Variants in CDH18 observed in about 807,000 individuals in gnomAD.
CDH18 encodes the protein cadherin 18, also known as cadherin-18.
In CDH18, 31 loss-of-function variants were observed where a neutral mutation model predicts 67.9. That is an observed-to-expected ratio of 0.46 (90% confidence interval 0.34 to 0.62). The LOEUF (loss-of-function observed/expected upper bound fraction) is 0.62. CDH18 is among the 20% of genes least tolerant of loss of function. The probability of loss-of-function intolerance (pLI) is 0.01; values close to 1 mark genes in which losing one functional copy is unlikely to be tolerated. For missense variants in CDH18, 890 were observed against 975.5 expected (o/e 0.91, Z 1.17); for synonymous variants, 362 against 347.2 (o/e 1.04, Z -0.48).
chr5:20,242,605 A>T (rs1475387030), intron 2 of CDH18, among the ~76,000 whole-genome samples: 53,347 of 84,780 alleles, frequency 0.63, 17,691 homozygotes, highest in African/African-American at 0.8. Flanking sequence ...GGAAAAAAAA[A>T]AAAAAAATAT....
intron 1 of CDH18, among the ~76,000 whole-genome samples, chr5:20,313,520 C>A (rs1393308325): frequency 6.6e-6 from 1 of 151,996 alleles, no homozygotes; most frequent in Non-Finnish European, 1.5e-5. Flanking sequence ...CTGACTTTAA[C>A]ATAAAATTAT....
At position 20,563,189 on chromosome 5, in the gene CDH18, A is replaced by G. The variant is rs117312969; in HGVS notation, c.-580+12273T>C. 1.6e-3 allele frequency among the ~76,000 whole-genome samples: 241 copies of G among 152,142 alleles called. 4 individuals carry two copies. In the East Asian group the frequency reaches 0.037, roughly 24 times the overall value. ...TATATTTTTATTTTTCAATTACTTCACAGTTGAAAAATAGAGGATGGGGCA... is the reference window on the plus strand; with the variant it reads ...TATATTTTTATTTTTCAATTACTTCGCAGTTGAAAAATAGAGGATGGGGCA... On this transcript the variant is annotated intron_variant, in intron 1 of 14. Transcript: ENST00000507958.
chr5:20,295,894 G>A lies in CDH18; in HGVS notation c.-579-40389C>T, dbSNP rs571748466. 1.9e-4 allele frequency among the ~76,000 whole-genome samples: 23 copies of A among 121,638 alleles called. No individual in the cohort carries two copies. The South Asian group carries it at 5.6e-3, about 30-fold the overall frequency. 79.8% of individuals were successfully genotyped at this position (121,638 alleles called of 152,430 possible). On this transcript the variant is annotated intron_variant, in intron 1 of 14. Transcript: ENST00000507958. ...TTTCTTTTTTTTTTTTTTTTGAGAC[G>A]GAGTCTCACTCTTGTCATCCAGGCT...
rs78702155 is a variant in CDH18, at chr5:20,251,916, T to C, written c.-518+3528A>G. ...AATAATGAGAATTCCATACCACATA[T>C]ACATACTAATCTAAAAAGTTAGGAA... On this transcript the variant is annotated intron_variant, in intron 2 of 14. Transcript: ENST00000507958. 9.8e-5 allele frequency among the ~76,000 whole-genome samples: 15 copies of C among 152,300 alleles called. 1 individual carries two copies. In the East Asian group the frequency reaches 2.9e-3, roughly 29 times the overall value.
chr5:19,737,953 T>C (rs1322311337), intron 4 of CDH18, among the ~76,000 whole-genome samples: 1 of 152,140 alleles, frequency 6.6e-6, no homozygotes, highest in Non-Finnish European at 1.5e-5. Flanking sequence ...TTAGGATCTA[T>C]ATATGTGACA....
intron 1 of CDH18, among the ~76,000 whole-genome samples, chr5:20,431,703 C>T (rs889203235): frequency 6.6e-6 from 1 of 152,108 alleles, no homozygotes; most frequent in Admixed American, 6.6e-5. Flanking sequence ...CTTTCATATT[C>T]AGCCTATAAA....
chr5:20,542,510 T>G (rs1278788848), intron 1 of CDH18, among the ~76,000 whole-genome samples: 1 of 151,662 alleles, frequency 6.6e-6, no homozygotes, highest in South Asian at 2.1e-4. Flanking sequence ...ATATATATTG[T>G]GCGTATGCAT....
At chr5:20,305,624 A>G in intron 1 of CDH18, 3 of 458,682 alleles carry the variant, frequency 6.5e-6, no homozygotes, top group Non-Finnish European at 1.2e-5. Flanking sequence ...GCAAACCCAG[A>G]GACTCAAACG....
intron 12 of CDH18, among the ~76,000 whole-genome samples, chr5:19,482,500 T>C (rs966418018): frequency 2.0e-5 from 3 of 152,238 alleles, no homozygotes; most frequent in African/African-American, 7.2e-5. Flanking sequence ...AGTCAGTATG[T>C]TAATAACTAG....
chr5:19,620,824 A>T (rs760441631), intron 5 of CDH18, among the ~76,000 whole-genome samples: 12 of 152,066 alleles, frequency 7.9e-5, no homozygotes, highest in Non-Finnish European at 1.3e-4. Context: ...CTGCCCAGGG[A>T]TTCTGCAAAG....
chr5:20,372,526 C>T (rs942122232), intron 1 of CDH18, among the ~76,000 whole-genome samples: 7 of 151,582 alleles, frequency 4.6e-5, no homozygotes, highest in African/African-American at 9.7e-5. Context: ...AAAAAATAAA[C>T]GAAATTATCA....
intron 2 of CDH18, among the ~76,000 whole-genome samples, chr5:20,164,770 C>T (rs1736160262): frequency 6.6e-6 from 1 of 152,028 alleles, no homozygotes; most frequent in South Asian, 2.1e-4. Flanking sequence ...GCAATTATCA[C>T]AAAAAGAGAT....
intron 5 of CDH18, among the ~76,000 whole-genome samples, chr5:19,667,081 T>G (rs1758060065): frequency 6.6e-6 from 1 of 152,014 alleles, no homozygotes; most frequent in South Asian, 2.1e-4. Context: ...TTATTATGCT[T>G]GCCAAACATA....
chr5:20,567,650 C>G (rs1309665729), intron 1 of CDH18, among the ~76,000 whole-genome samples: 7 of 152,110 alleles, frequency 4.6e-5, no homozygotes, highest in African/African-American at 1.7e-4. Flanking sequence ...TTTTTTCATC[C>G]TGCTTTGCAA....
At chr5:20,051,945 G>GC (rs1561749575) in intron 2 of CDH18, among the ~76,000 whole-genome samples, 1 of 151,884 alleles carries the variant, frequency 6.6e-6, no homozygotes, top group East Asian at 1.9e-4. Context: ...TAGCATTTGG[G>GC]CCCCCTCTTT....
intron 1 of CDH18, among the ~76,000 whole-genome samples, chr5:20,307,878 G>A (rs562402013): frequency 1.1e-4 from 16 of 152,086 alleles, no homozygotes; most frequent in Non-Finnish European, 2.4e-4. Flanking sequence ...TTTTACAATG[G>A]TCACTTTTAG....
At chr5:20,303,791 C>A (rs1293704741) in intron 1 of CDH18, among the ~76,000 whole-genome samples, 1 of 152,260 alleles carries the variant, frequency 6.6e-6, no homozygotes, top group African/African-American at 2.4e-5. Context: ...GTTTAATAAA[C>A]AAACGAACAT....
chr5:20,466,746 T>G (rs1398187119), intron 1 of CDH18, among the ~76,000 whole-genome samples: 1 of 152,118 alleles, frequency 6.6e-6, no homozygotes, highest in Admixed American at 6.6e-5. Flanking sequence ...ATGTGAGACA[T>G]GCAGTTTGGT....
intron 2 of CDH18, among the ~76,000 whole-genome samples, chr5:19,917,317 C>A (rs1407597984): frequency 6.6e-6 from 1 of 151,870 alleles, no homozygotes; most frequent in African/African-American, 2.4e-5. Context: ...CGTTCTCCTC[C>A]TGTTCTCAAT....
Sources: gnomAD v4.1 joint callset for allele counts (sites outside exome capture counted in the v4.1 genomes callset) on GRCh38, gnomAD v4.1.1 for gene constraint, MANE v1.5 for transcripts, NCBI Gene and HGNC (gene_info 2026-07-23, HGNC 2026-07-21) for gene names.